DNAH11: variants seen among roughly 807,000 people sequenced by gnomAD.
The protein encoded by DNAH11 is dynein axonemal heavy chain 11.
DNAH11 carries 442 observed loss-of-function variants against 526.0 expected under a neutral mutation model. That is an observed-to-expected ratio of 0.84 (90% CI 0.78 to 0.91). The LOEUF (loss-of-function observed/expected upper bound fraction) is 0.91. Ranked by LOEUF, DNAH11 falls within the 40% of genes least tolerant of loss-of-function variation. The pLI is 0.00. For synonymous variants in DNAH11, 2,461 were observed against 1,935.9 expected, an observed-to-expected ratio of 1.27 and a Z score of -7.12; for missense variants, 6,989 against 5,448.7, an observed-to-expected ratio of 1.28 and a Z score of -8.90.
chr7:21,656,625 G>A, intron 29 of DNAH11, among the ~76,000 whole-genome samples: 1 of 152,136 alleles, frequency 6.6e-6, no homozygotes, highest in East Asian at 1.9e-4. Context: ...TAGGGGAATT[G>A]CATCTTTTTA....
intron 35 of DNAH11, among the ~76,000 whole-genome samples, chr7:21,697,825 T>C (rs1342068740): frequency 2.0e-5 from 3 of 152,208 alleles, no homozygotes; most frequent in South Asian, 2.1e-4. Context: ...CAGAATGTAT[T>C]CATGGATTTT....
chr7:21,838,554 T>C (rs1782082963), intron 65 of DNAH11, among the ~76,000 whole-genome samples: 2 of 152,192 alleles, frequency 1.3e-5, no homozygotes, highest in South Asian at 4.1e-4. Flanking sequence ...TGGAGTCATA[T>C]AATATGTGAT....
chr7:21,623,150 C>T lies in DNAH11; in HGVS notation c.4500+3072C>T, dbSNP rs1374858233. Among the ~76,000 whole-genome samples, 255 of 152,176 alleles carry T rather than the reference C, an allele frequency of 1.7e-3. 1 individual carries two copies. Among genetic ancestry groups the T allele is most frequent in the African/African-American group, 5.0e-3 (207 of 41,492 alleles). The stretch of plus-strand genomic sequence containing the variant: ...AAAAACAACCCCATCAAAAAGTGGG[C>T]GAAGGACATGAACAGACACTTCTCA... On this transcript the variant is annotated intron_variant, in intron 25 of 81. Transcript: ENST00000409508.
In DNAH11 at chr7:21,892,354, G is replaced by T. The variant is rs376598363; in HGVS notation, c.12508-71G>T. The T allele has an allele frequency of 9.7e-6, 15 of 1,542,088 alleles. No individual in the cohort carries two copies. In the Admixed American group the frequency reaches 1.3e-4, roughly 14 times the overall value. On this transcript the variant is annotated intron_variant, in intron 76 of 81. Transcript: ENST00000409508. ...GGAGCCTTCTTGTCAGGGTCTTCTC[G>T]AAGTGTTGAGGAAGTGAAAATGGAT... is the stretch of plus-strand genomic sequence containing the variant.
intron 65 of DNAH11, among the ~76,000 whole-genome samples, chr7:21,835,821 G>A (rs1040399290): frequency 1.2e-4 from 18 of 148,248 alleles, no homozygotes; most frequent in African/African-American, 3.0e-4. Context: ...AATTGTCCCT[G>A]TTTGCAGATG....
intron 56 of DNAH11, among the ~76,000 whole-genome samples, chr7:21,775,798 C>T (rs906884246): frequency 1.3e-4 from 20 of 152,046 alleles, no homozygotes; most frequent in Non-Finnish European, 2.4e-4. Context: ...CTAGATAAGA[C>T]GAGGAAGGAG....
In DNAH11 at chr7:21,866,222, C is replaced by T. The variant is rs1243459513; in HGVS notation, c.11497-248C>T. Among the ~76,000 whole-genome samples, 3 of 151,610 alleles carry T rather than the reference C, an allele frequency of 2.0e-5. No homozygotes were observed. The East Asian group carries it at 5.8e-4, about 29-fold the overall frequency. Reference sequence around the variant, plus strand: ...CCCACCTCTCTCTTCTCCAGTCTTCCAGGCTCCTGCCATTGCTTTCTGTTG... The same window carrying T: ...CCCACCTCTCTCTTCTCCAGTCTTCTAGGCTCCTGCCATTGCTTTCTGTTG... On this transcript the variant is annotated intron_variant, in intron 70 of 81. Coordinates refer to ENST00000409508, the MANE Select transcript of DNAH11 (RefSeq NM_001277115.2).
At chr7:21,632,598 G>A (rs1786666424) in intron 25 of DNAH11, among the ~76,000 whole-genome samples, 1 of 152,128 alleles carries the variant, frequency 6.6e-6, no homozygotes, top group Non-Finnish European at 1.5e-5. Flanking sequence ...AACTCCACCA[G>A]TCTCTTTGCT....
rs745458061 is a variant in DNAH11, at chr7:21,712,128, TAC to T, written c.6983+270_6983+271del. On this transcript the variant is annotated intron_variant, in intron 42 of 81. Transcript: ENST00000409508. ...TAGGTACCGCATATAAATGGAATCA[TAC>T]AGTGTTTGTCTTTTAGTGACAGGTT... Among the ~76,000 whole-genome samples the T allele has an allele frequency of 7.2e-5, 11 of 152,218 alleles. No homozygotes were observed. In the East Asian group the frequency reaches 1.3e-3, roughly 19 times the overall value.
At chr7:21,718,978 G>C (rs1784776312) in intron 43 of DNAH11, among the ~76,000 whole-genome samples, 1 of 152,236 alleles carries the variant, frequency 6.6e-6, no homozygotes, top group Admixed American at 6.5e-5. Context: ...TATGTAGTTA[G>C]CCTAATTAGA....
At chr7:21,723,359 C>G (rs1435055958) in intron 44 of DNAH11, among the ~76,000 whole-genome samples, 1 of 152,172 alleles carries the variant, frequency 6.6e-6, no homozygotes, top group Non-Finnish European at 1.5e-5. Context: ...CATGTCTAAG[C>G]CAGGTTCAAA....
At chr7:21,762,038 GA>G (rs1397916688) in intron 54 of DNAH11, among the ~76,000 whole-genome samples, 1 of 152,112 alleles carries the variant, frequency 6.6e-6, no homozygotes, top group Non-Finnish European at 1.5e-5. Context: ...GCATGCAGGG[GA>G]AATGCCAGAT....
At chr7:21,899,726 T>C (rs73077581) in intron 80 of DNAH11, among the ~76,000 whole-genome samples, 1 of 152,166 alleles carries the variant, frequency 6.6e-6, no homozygotes, top group Non-Finnish European at 1.5e-5. Context: ...ACATAGCTTC[T>C]CTGCTACTGT....
intron 28 of DNAH11, among the ~76,000 whole-genome samples, chr7:21,640,523 ATAT>A (rs1242808767): frequency 6.9e-6 from 1 of 144,210 alleles, no homozygotes; most frequent in African/African-American, 2.9e-5. Context: ...TCTTTTAATC[ATAT>A]TATTTAAATA....
In DNAH11 at chr7:21,739,591, T is replaced by G; in HGVS notation, c.7832T>G (p.Met2611Arg). The G allele has an allele frequency of 6.2e-7, 1 of 1,612,440 alleles. No homozygotes were observed. Among genetic ancestry groups the G allele is most frequent in the Non-Finnish European group, 8.5e-7 (1 of 1,179,340 alleles). ...TTCAGGTATGATAGACAGAAGGTGA[T>G]GCTTAAAGAAATCCATAACTGCCAG... ...YGHWYDRQKVMLKEIHNCQYV... is the reference protein window; with the variant it reads ...YGHWYDRQKVRLKEIHNCQYV... Residue 2611 changes from methionine to arginine, a missense_variant, in exon 48 of 82, where the codon ATG (methionine) becomes AGG (arginine). Met to Arg is a moderately conservative substitution (Grantham distance 91, BLOSUM62 -1). Coordinates refer to ENST00000409508, the MANE Select transcript of DNAH11 (RefSeq NM_001277115.2).
intron 18 of DNAH11, among the ~76,000 whole-genome samples, chr7:21,605,225 C>T (rs1785236325): frequency 2.0e-5 from 3 of 152,164 alleles, no homozygotes. Flanking sequence ...CAAATATTTA[C>T]TGAGGTTTAC....
chr7:21,626,070 A>G (rs1182743862), intron 25 of DNAH11, among the ~76,000 whole-genome samples: 2 of 152,154 alleles, frequency 1.3e-5, no homozygotes, highest in Admixed American at 1.3e-4. Context: ...TGCTAAAACT[A>G]CTGGAATTTT....
intron 63 of DNAH11, among the ~76,000 whole-genome samples, chr7:21,816,127 C>T (rs1416505486): frequency 6.6e-6 from 1 of 152,088 alleles, no homozygotes; most frequent in Non-Finnish European, 1.5e-5. Flanking sequence ...TGGATTGCTC[C>T]ATGGGCAAAT....
chr7:21,706,183 CAATG>C, intron 39 of DNAH11, among the ~76,000 whole-genome samples: 1 of 152,018 alleles, frequency 6.6e-6, no homozygotes, highest in South Asian at 2.1e-4. Context: ...CTCGGCACAA[CAATG>C]ATATACTATG....
Sources: gnomAD v4.1 joint callset for allele counts (sites outside exome capture counted in the v4.1 genomes callset) on GRCh38, gnomAD v4.1.1 for gene constraint, MANE v1.5 for transcripts, NCBI Gene and HGNC (gene_info 2026-07-23, HGNC 2026-07-21) for gene names.